UTRN: variants seen among roughly 807,000 people sequenced by gnomAD.
The protein encoded by UTRN is dystrophin-related protein 1.
A neutral mutation model predicts 463.9 loss-of-function variants in UTRN; 283 were observed. The observed-to-expected ratio is 0.61, with a 90% CI of 0.55 to 0.67. The LOEUF (loss-of-function observed/expected upper bound fraction) is 0.67. Ranked by LOEUF, UTRN falls within the 30% of genes least tolerant of loss-of-function variation. The pLI, the probability that UTRN is intolerant of heterozygous loss-of-function variation, is 0.00. For missense variants in UTRN, 3,922 were observed against 4,084.3 expected (o/e 0.96, Z 1.08); for synonymous variants, 1,442 against 1,431.5 (o/e 1.01, Z -0.17).
intron 2 of UTRN, among the ~76,000 whole-genome samples, chr6:144,360,554 C>T (rs1440961931): frequency 6.6e-6 from 1 of 152,196 alleles, no homozygotes; most frequent in Non-Finnish European, 1.5e-5. Context: ...GCTGTCAGTA[C>T]TTCTGGTGCA....
chr6:144,833,239 A>G (rs549263652), intron 69 of UTRN, among the ~76,000 whole-genome samples: 1 of 152,248 alleles, frequency 6.6e-6, no homozygotes, highest in South Asian at 2.1e-4. Context: ...TTTCTTTCAT[A>G]TGCTATGTGG....
At chr6:144,786,447 A>C (rs1032825926) in intron 61 of UTRN, among the ~76,000 whole-genome samples, 8 of 151,912 alleles carry the variant, frequency 5.3e-5, no homozygotes, top group African/African-American at 9.7e-5. Flanking sequence ...CACCACGCCC[A>C]GCTAATTTTT....
At chr6:144,499,773 C>T (rs1794003895) in intron 34 of UTRN, among the ~76,000 whole-genome samples, 2 of 152,054 alleles carry the variant, frequency 1.3e-5, no homozygotes, top group Admixed American at 1.3e-4. Context: ...CTCTGTTTCT[C>T]GCCCCTCTAC....
intron 2 of UTRN, among the ~76,000 whole-genome samples, chr6:144,328,193 CTT>C (rs397946679): frequency 6.2e-5 from 9 of 144,930 alleles, no homozygotes; most frequent in Admixed American, 7.0e-5. Flanking sequence ...AGTTTCTTTC[CTT>C]TTTTTTTTTT....
chr6:144,570,253 G>A (rs1168392508), intron 50 of UTRN, among the ~76,000 whole-genome samples: 2 of 152,048 alleles, frequency 1.3e-5, no homozygotes, highest in Non-Finnish European at 2.9e-5. Context: ...AGGAGCAGGA[G>A]GATATTTAAG....
Position 144,654,433 on chromosome 6 carries a change from T to A in UTRN, c.7480-23973T>A, listed in dbSNP as rs529898149. 5.3e-5 allele frequency among the ~76,000 whole-genome samples: 8 copies of A among 152,342 alleles called. No individual in the cohort carries two copies. In the East Asian group the frequency reaches 1.3e-3, roughly 26 times the overall value. ...TATTCAGATTATAGTAACAATGCCC[T>A]CCTGGGGAAAGTACCAGCTTTTTAC... On this transcript the variant is annotated intron_variant, in intron 51 of 74. Coordinates refer to ENST00000367545, the MANE Select transcript of UTRN (RefSeq NM_007124.3).
At chr6:144,757,888 T>C (rs771532088) in intron 57 of UTRN, 41 bp from the exon 58 acceptor site, 13 of 1,586,116 alleles carry the variant, frequency 8.2e-6, no homozygotes, top group Admixed American at 1.8e-5. Context: ...TAAGGCTTTT[T>C]GGTTTCCAAC....
chr6:144,601,051 T>C (rs2128636520), intron 51 of UTRN, among the ~76,000 whole-genome samples: 1 of 152,282 alleles, frequency 6.6e-6, no homozygotes, highest in South Asian at 2.1e-4. Flanking sequence ...TATTTTAAGC[T>C]CAATGTTGAG....
At chr6:144,720,097 AC>A (rs766398668) in intron 53 of UTRN, among the ~76,000 whole-genome samples, 1 of 152,062 alleles carries the variant, frequency 6.6e-6, no homozygotes, top group Non-Finnish European at 1.5e-5. Context: ...ATTCTCTTAG[AC>A]CCTGTTTTCT....
intron 4 of UTRN, among the ~76,000 whole-genome samples, chr6:144,423,310 T>C (rs1562375988): frequency 6.6e-6 from 1 of 152,158 alleles, no homozygotes. Flanking sequence ...TGAAGCTGCC[T>C]AGGAGATTTC....
At chr6:144,663,068 A>T (rs1465284620) in intron 51 of UTRN, among the ~76,000 whole-genome samples, 1 of 152,152 alleles carries the variant, frequency 6.6e-6, no homozygotes, top group African/African-American at 2.4e-5. Context: ...CTAGAACCAG[A>T]AAGGGCAAGG....
At chr6:144,772,513 C>T (rs1394969862) in intron 59 of UTRN, among the ~76,000 whole-genome samples, 1 of 152,138 alleles carries the variant, frequency 6.6e-6, no homozygotes, top group Non-Finnish European at 1.5e-5. Flanking sequence ...AGTTGATTTA[C>T]AGGGAGGAAT....
At chr6:144,335,885 A>G (rs1450665154) in intron 2 of UTRN, among the ~76,000 whole-genome samples, 1 of 152,122 alleles carries the variant, frequency 6.6e-6, no homozygotes, top group Non-Finnish European at 1.5e-5. Flanking sequence ...ATGAACACCT[A>G]TATTCTTCAT....
intron 58 of UTRN, among the ~76,000 whole-genome samples, chr6:144,761,822 T>C (rs1458896306): frequency 6.6e-6 from 1 of 152,196 alleles, no homozygotes; most frequent in African/African-American, 2.4e-5. Context: ...AAAAGTCAAC[T>C]TCCAGGGAAT....
intron 53 of UTRN, among the ~76,000 whole-genome samples, chr6:144,707,216 C>G (rs1785183683): frequency 6.6e-6 from 1 of 152,106 alleles, no homozygotes; most frequent in Non-Finnish European, 1.5e-5. Flanking sequence ...CAATCCATAT[C>G]TAAGATTTTT....
intron 10 of UTRN, among the ~76,000 whole-genome samples, chr6:144,436,350 C>T (rs1786531783): frequency 6.6e-6 from 1 of 152,170 alleles, no homozygotes; most frequent in South Asian, 2.1e-4. Flanking sequence ...AGATTTTAGT[C>T]TCCTTGTGTG....
chr6:144,666,742 T>C (rs1321557063), intron 51 of UTRN, among the ~76,000 whole-genome samples: 2 of 152,208 alleles, frequency 1.3e-5, no homozygotes, highest in Non-Finnish European at 2.9e-5. Context: ...GTTTTCCACA[T>C]ACTGAAAATT....
At chr6:144,504,449 G>C (rs1466170493) in intron 34 of UTRN, among the ~76,000 whole-genome samples, 1 of 152,200 alleles carries the variant, frequency 6.6e-6, no homozygotes, top group Non-Finnish European at 1.5e-5. Context: ...TTAGCATGAA[G>C]GGGTATTGAA....
At chr6:144,555,879 T>C (rs1799336749) in intron 49 of UTRN, among the ~76,000 whole-genome samples, 3 of 152,252 alleles carry the variant, frequency 2.0e-5, no homozygotes, top group Admixed American at 1.3e-4. Context: ...TTTTTATTAA[T>C]AAGTTTTTCC....
Sources: allele counts gnomAD v4.1 joint callset (sites outside exome capture counted in the v4.1 genomes callset), GRCh38; gene constraint gnomAD v4.1.1; transcripts MANE v1.5; gene names NCBI Gene and HGNC (gene_info 2026-07-23, HGNC 2026-07-21).